Variants in DPP6 observed in about 807,000 individuals in gnomAD.
The protein encoded by DPP6 is A-type potassium channel modulatory protein DPP6.
Under a neutral mutation model 122.6 loss-of-function variants are expected in DPP6, and 69 were observed. The ratio of observed to expected loss-of-function variants is 0.56; its 90% CI spans 0.46 to 0.69. The LOEUF is 0.69. Among genes scored for constraint, DPP6 ranks in the 30% least tolerant of loss-of-function variants. The pLI, the probability that DPP6 is intolerant of heterozygous loss-of-function variation, is 0.00. For missense variants in DPP6, 928 were observed against 1,116.9 expected (o/e 0.83, Z 2.41); for synonymous variants, 418 against 433.1 (o/e 0.97, Z 0.43).
chr7:154,788,647 AG>A (rs371392437), intron 10 of DPP6, among the ~76,000 whole-genome samples: 4 of 152,318 alleles, frequency 2.6e-5, no homozygotes, highest in South Asian at 2.1e-4. Flanking sequence ...CATAACTCAA[AG>A]GTTCTAGCAC....
At chr7:154,244,930 A>G (rs567596795) in intron 1 of DPP6, among the ~76,000 whole-genome samples, 2 of 151,238 alleles carry the variant, frequency 1.3e-5, no homozygotes, top group African/African-American at 4.9e-5. Context: ...AATTGAAGAC[A>G]TAACTGTATA....
At chr7:154,565,240 T>C (rs934004534) in intron 4 of DPP6, among the ~76,000 whole-genome samples, 1 of 152,220 alleles carries the variant, frequency 6.6e-6, no homozygotes, top group African/African-American at 2.4e-5. Flanking sequence ...GAAGCTAACG[T>C]TGAGTCTCTC....
intron 1 of DPP6, among the ~76,000 whole-genome samples, chr7:154,080,931 A>G (rs1323611047): frequency 6.6e-6 from 1 of 152,132 alleles, no homozygotes; most frequent in Non-Finnish European, 1.5e-5. Context: ...CTGAGAAAAC[A>G]TGAGATGTGT....
intron 1 of DPP6, among the ~76,000 whole-genome samples, chr7:153,910,875 C>T (rs905745909): frequency 6.6e-6 from 1 of 152,152 alleles, no homozygotes. Flanking sequence ...CACGTCTCCC[C>T]TCCCTCAGGG....
the DPP6 span, among the ~76,000 whole-genome samples, chr7:153,787,354 G>A: frequency 0.48 from 67,562 of 140,554 alleles, 18,114 homozygotes; most frequent in African/African-American, 0.62. Context: ...AAAGGCAGCA[G>A]TATAATATCT....
rs77027004 is a variant in DPP6, at chr7:154,252,426, G to A, written c.244-193788G>A. Among the ~76,000 whole-genome samples, 812 of 152,314 alleles carry A rather than the reference G, an allele frequency of 5.3e-3. 8 individuals carry two copies. The highest frequency in any genetic ancestry group is 0.019 in the African/African-American group (776 of 41,576). ...TGTTTAGAACTGCTGGCTATGATAC[G>A]AACACAAAGCAGACTGACCCTTAGT... On this transcript the variant is annotated intron_variant, in intron 1 of 25. Coordinates refer to ENST00000377770, the MANE Select transcript of DPP6 (RefSeq NM_130797.4).
intron 4 of DPP6, among the ~76,000 whole-genome samples, chr7:154,545,312 A>G (rs1017403215): frequency 2.6e-5 from 4 of 152,024 alleles, no homozygotes; most frequent in Non-Finnish European, 5.9e-5. Context: ...AACCACCACA[A>G]ATATATCTCA....
intron 1 of DPP6, among the ~76,000 whole-genome samples, chr7:154,331,984 T>C (rs745579246): frequency 1.3e-5 from 2 of 152,146 alleles, no homozygotes; most frequent in Non-Finnish European, 2.9e-5. Flanking sequence ...ATTTGGGTGA[T>C]GGGGTCTGTG....
At chr7:154,291,693 T>TG (rs1252529227) in intron 1 of DPP6, among the ~76,000 whole-genome samples, 1 of 152,210 alleles carries the variant, frequency 6.6e-6, no homozygotes, top group African/African-American at 2.4e-5. Flanking sequence ...TTTCTTCATG[T>TG]GGAATTTTTG....
chr7:154,678,062 C>T (rs1393314211), intron 7 of DPP6, among the ~76,000 whole-genome samples: 1 of 152,140 alleles, frequency 6.6e-6, no homozygotes, highest in Non-Finnish European at 1.5e-5. Context: ...TGTAAACGCA[C>T]TGATCAGCAC....
At chr7:154,221,842 A>G (rs1003527019) in intron 1 of DPP6, among the ~76,000 whole-genome samples, 2 of 152,186 alleles carry the variant, frequency 1.3e-5, no homozygotes, top group Non-Finnish European at 2.9e-5. Context: ...TTTCAGAGAT[A>G]ATAGTTGTAT....
At chr7:154,452,398 G>C (rs1820460622) in intron 2 of DPP6, among the ~76,000 whole-genome samples, 1 of 152,180 alleles carries the variant, frequency 6.6e-6, no homozygotes, top group Non-Finnish European at 1.5e-5. Context: ...AAAGATGACA[G>C]TCAGTCTTCA....
intron 1 of DPP6, among the ~76,000 whole-genome samples, chr7:154,284,658 C>T (rs1052850500): frequency 6.6e-6 from 1 of 152,186 alleles, no homozygotes; most frequent in African/African-American, 2.4e-5. Flanking sequence ...AGTTCAAGAC[C>T]AGCCTGACCA....
chr7:154,192,300 T>C (rs1305463120), intron 1 of DPP6, among the ~76,000 whole-genome samples: 1 of 152,244 alleles, frequency 6.6e-6, no homozygotes, highest in African/African-American at 2.4e-5. Context: ...ATTTTCTACT[T>C]GATAAAGCCA....
At chr7:154,010,014 T>C (rs1427212287) in intron 1 of DPP6, among the ~76,000 whole-genome samples, 1 of 152,242 alleles carries the variant, frequency 6.6e-6, no homozygotes, top group African/African-American at 2.4e-5. Flanking sequence ...GACTAGTTGC[T>C]ATAATGCCCA....
intron 1 of DPP6, among the ~76,000 whole-genome samples, chr7:153,928,622 T>C (rs1277860130): frequency 6.6e-6 from 1 of 151,820 alleles, no homozygotes; most frequent in East Asian, 1.9e-4. Flanking sequence ...TCCTTTGGGC[T>C]CTTTTATCAG....
chr7:153,885,677 C>G (rs775780802), upstream of DPP6, among the ~76,000 whole-genome samples: 7 of 152,150 alleles, frequency 4.6e-5, no homozygotes, highest in Non-Finnish European at 7.3e-5. Flanking sequence ...CAAATCCCAA[C>G]AGAGAAGAGT....
chr7:153,831,348 G>A, the DPP6 span, among the ~76,000 whole-genome samples: 1 of 152,136 alleles, frequency 6.6e-6, no homozygotes, highest in East Asian at 1.9e-4. Context: ...AGATGATGTT[G>A]CCTGCATGTG....
At chr7:154,105,501 T>G in intron 1 of DPP6, among the ~76,000 whole-genome samples, 1 of 152,184 alleles carries the variant, frequency 6.6e-6, no homozygotes, top group South Asian at 2.1e-4. Context: ...TGAGGTCCTT[T>G]GAACTCACAG....
Sources: gnomAD v4.1 joint callset for allele counts (sites outside exome capture counted in the v4.1 genomes callset) on GRCh38, gnomAD v4.1.1 for gene constraint, MANE v1.5 for transcripts, NCBI Gene and HGNC (gene_info 2026-07-23, HGNC 2026-07-21) for gene names.